Variants in FAM227A observed in about 807,000 individuals in gnomAD.
FAM227A encodes the protein family with sequence similarity 227 member A, also known as protein FAM227A.
A neutral mutation model predicts 74.7 loss-of-function variants in FAM227A; 80 were observed. That is an observed-to-expected ratio of 1.07 (90% CI 0.89 to 1.29). The LOEUF (loss-of-function observed/expected upper bound fraction) is 1.29. Ranked by LOEUF, FAM227A falls within the 50% of genes most tolerant of loss-of-function variation. The pLI is 0.00. For synonymous variants in FAM227A, 237 were observed against 241.8 expected (o/e 0.98, Z 0.19); for missense variants, 654 against 683.4 (o/e 0.96, Z 0.48).
In FAM227A at chr22:38,656,176, AG is replaced by A. The variant is rs2092389908; in HGVS notation, c.-152del. On this transcript the variant is annotated 5_prime_UTR_variant, in exon 1 of 17. An upstream open reading frame in the 5' UTR gains an earlier in-frame stop. Transcript: ENST00000535113. ...GGGCCGGTCCCGCCACGGGTCCCTC[AG>A]GGGACCCCGCAAAGTTCTGGGTCGG... 2 of 152,244 alleles carry A rather than the reference AG, an allele frequency of 1.3e-5. No homozygotes were observed. Among genetic ancestry groups the A allele is most frequent in the Non-Finnish European group, 2.9e-5 (2 of 68,110 alleles). The allele number at this position is 152,244 out of a possible 1,614,324, so 9.4% of individuals were successfully genotyped here.
intron 11 of FAM227A, among the ~76,000 whole-genome samples, chr22:38,609,075 G>A (rs2059629896): frequency 6.6e-6 from 1 of 152,180 alleles, no homozygotes; most frequent in South Asian, 2.1e-4. Flanking sequence ...TTACAGGCAT[G>A]AGCCACTGCA....
rs138823795 is a variant in FAM227A, at chr22:38,623,249, C to T, written c.881G>A (p.Ser294Asn). The change falls in exon 10 of 17, where the codon AGC becomes AAC. Residue 294 changes from serine to asparagine, a missense_variant. Physicochemically the swap from Ser to Asn is conservative, Grantham distance 46 (BLOSUM62 1). Coordinates refer to ENST00000535113, the MANE Select transcript of FAM227A (RefSeq NM_001013647.2). ...TGGGTCTAGTTCCGAGTAGTCCCAG[C>T]TGTCATAGCTCTGTGGGCTAGGATA... The part of the protein sequence containing the change: ...GTYPSPQSYD[S>N]WDYSELDPER... The T allele has an allele frequency of 6.4e-7, 1 of 1,551,432 alleles. No homozygotes were observed. Among genetic ancestry groups the T allele is most frequent in the Non-Finnish European group, 8.7e-7 (1 of 1,146,884 alleles).
Position 38,582,141 on chromosome 22 carries a change from T to TCA in FAM227A, c.*3982_*3983dup. The TCA allele has an allele frequency of 1.7e-6, 1 of 588,720 alleles. No individual in the cohort carries two copies. Among genetic ancestry groups the TCA allele is most frequent in the Non-Finnish European group, 3.0e-6 (1 of 331,882 alleles). 36.5% of individuals were successfully genotyped at this position (588,720 alleles called of 1,614,324 possible). ...AGGTGTGTATACACCCATGAGCCAT[T>TCA]CACCACAATCAAGATAGTAGACATA... On this transcript the variant is annotated 3_prime_UTR_variant, in exon 17 of 17. Transcript: ENST00000535113.
Position 38,583,062 on chromosome 22 carries a change from A to T in FAM227A, c.*3063T>A. 1 of 1,225,710 alleles carries T rather than the reference A, an allele frequency of 8.2e-7. No individual in the cohort carries two copies. The highest frequency in any genetic ancestry group is 1.1e-6 in the Non-Finnish European group (1 of 871,152). 75.9% of individuals were successfully genotyped at this position (1,225,710 alleles called of 1,614,324 possible). On this transcript the variant is annotated 3_prime_UTR_variant, in exon 17 of 17. Transcript: ENST00000535113. ...TAGAGAAACTGCAAATGAAGAGTTG[A>T]CAGTGGCTGGGGTAGTAAAGGGAAG... is the stretch of plus-strand genomic sequence containing the variant.
intron 1 of FAM227A, among the ~76,000 whole-genome samples, chr22:38,652,590 G>GAA (rs779788341): frequency 1.2e-4 from 7 of 59,162 alleles, no homozygotes; most frequent in Non-Finnish European, 7.0e-5. Context: ...TCCATCTCAA[G>GAA]AAAAAAAAAA....
At chr22:38,636,278 G>A (rs1336191166) in intron 6 of FAM227A, among the ~76,000 whole-genome samples, 173 bp downstream of exon 6, 1 of 152,174 alleles carries the variant, frequency 6.6e-6, no homozygotes, top group Non-Finnish European at 1.5e-5. Flanking sequence ...TGCTCTGGTA[G>A]AAGGAATCTA....
rs1490418308 is a variant in FAM227A at position 38,580,453 on chromosome 22, T to C, written c.*5672A>G. 1 of 152,214 alleles carries C rather than the reference T, an allele frequency of 6.6e-6. No individual in the cohort carries two copies. The highest frequency in any genetic ancestry group is 1.5e-5 in the Non-Finnish European group (1 of 68,032). The allele number at this position is 152,214 out of a possible 1,614,324, so 9.4% of individuals were successfully genotyped here. A position where few individuals can be genotyped will look rare whatever the true frequency, so the allele number is the denominator to read the frequency against. On this transcript the variant is annotated 3_prime_UTR_variant, in exon 17 of 17. Coordinates refer to ENST00000535113, the MANE Select transcript of FAM227A (RefSeq NM_001013647.2). The stretch of plus-strand genomic sequence containing the variant: ...CAGATCACATTCAAGTTTACTTATT[T>C]GTAAGACTATTTGATAGGTGGTCTT...
At chr22:38,644,616 A>G (rs1219944631) in intron 3 of FAM227A, among the ~76,000 whole-genome samples, 1 of 151,740 alleles carries the variant, frequency 6.6e-6, no homozygotes, top group Non-Finnish European at 1.5e-5. Flanking sequence ...ATCCTATTGT[A>G]AACTCTGAAT....
At chr22:38,594,153 A>T (rs980001878) in intron 15 of FAM227A, among the ~76,000 whole-genome samples, 6 of 152,072 alleles carry the variant, frequency 3.9e-5, no homozygotes, top group African/African-American at 1.5e-4. Context: ...AGCCTTGTTG[A>T]GACTGCCCTC....
In FAM227A at chr22:38,582,159, T is replaced by C; in HGVS notation, c.*3966A>G. The C allele has an allele frequency of 5.0e-6, 3 of 605,492 alleles. No homozygotes were observed. Among genetic ancestry groups the C allele is most frequent in the Admixed American group, 2.9e-5 (1 of 33,952 alleles). The allele number at this position is 605,492 out of a possible 1,614,324, so 37.5% of individuals were successfully genotyped here. A position where few individuals can be genotyped will look rare whatever the true frequency, so the allele number is the denominator to read the frequency against. ...GAGCCATTCACCACAATCAAGATAG[T>C]AGACATATCTGTCACCCCCAAAAGT... is the stretch of plus-strand genomic sequence containing the variant. On this transcript the variant is annotated 3_prime_UTR_variant, in exon 17 of 17. Coordinates refer to ENST00000535113, the MANE Select transcript of FAM227A (RefSeq NM_001013647.2).
chr22:38,626,891 A>ATAT (rs1555966995), intron 8 of FAM227A, among the ~76,000 whole-genome samples: 9 of 57,692 alleles, frequency 1.6e-4, no homozygotes, highest in African/African-American at 7.9e-4. Context: ...AAAAAAAAAA[A>ATAT]ATATATATAT....
intron 15 of FAM227A, among the ~76,000 whole-genome samples, chr22:38,596,672 A>G (rs534433456): frequency 4.5e-4 from 68 of 151,584 alleles, no homozygotes; most frequent in Middle Eastern, 3.5e-3. Context: ...TCAGTGTACT[A>G]TCCTGATGGA....
chr22:38,608,593 G>A (rs1443570995), intron 11 of FAM227A, among the ~76,000 whole-genome samples: 3 of 151,774 alleles, frequency 2.0e-5, no homozygotes, highest in African/African-American at 7.3e-5. Flanking sequence ...ACCACGCCCA[G>A]CTAATTTTTG....
chr22:38,646,262 T>C (rs908467222), intron 2 of FAM227A, among the ~76,000 whole-genome samples: 6 of 128,734 alleles, frequency 4.7e-5, no homozygotes, highest in Non-Finnish European at 8.3e-5. Context: ...TTTTTTTTTT[T>C]TTTTTTTTTT....
chr22:38,615,358 A>G (rs988648843), intron 11 of FAM227A, among the ~76,000 whole-genome samples: 1 of 152,216 alleles, frequency 6.6e-6, no homozygotes, highest in Non-Finnish European at 1.5e-5. Context: ...GACAAACTCT[A>G]AACAACACAT....
At chr22:38,653,968 G>C (rs535502452) in intron 1 of FAM227A, 2 of 152,210 alleles carry the variant, frequency 1.3e-5, no homozygotes, top group African/African-American at 4.8e-5. Flanking sequence ...TACTTCAAAG[G>C]GAACAACACT....
chr22:38,608,735 TCTGA>T (rs2091344695), intron 11 of FAM227A, among the ~76,000 whole-genome samples: 1 of 151,534 alleles, frequency 6.6e-6, no homozygotes, highest in Non-Finnish European at 1.5e-5. Context: ...CAGGATAGAT[TCTGA>T]CTTCTTCCAG....
rs928757265 is a variant in FAM227A at position 38,584,184 on chromosome 22, T to C, written c.*1941A>G. On this transcript the variant is annotated 3_prime_UTR_variant, in exon 17 of 17. Transcript: ENST00000535113. ...ATTGGTTTACACATCCTTCTCTTTT[T>C]TCCAGATTGTGAGCCCCATAAGGTC... The C allele has an allele frequency of 1.3e-5, 2 of 152,276 alleles. No homozygotes were observed. The highest frequency in any genetic ancestry group is 4.8e-5 in the African/African-American group (2 of 41,442). 9.4% of individuals were successfully genotyped at this position (152,276 alleles called of 1,614,324 possible).
At chr22:38,654,075 G>A (rs536296237) in intron 1 of FAM227A, among the ~76,000 whole-genome samples, 10 of 152,150 alleles carry the variant, frequency 6.6e-5, no homozygotes, top group Middle Eastern at 3.2e-3. Flanking sequence ...AGGGCCGGGC[G>A]CGGTGGCTCA....
Sources: gnomAD v4.1 joint callset for allele counts (sites outside exome capture counted in the v4.1 genomes callset) on GRCh38, gnomAD v4.1.1 for gene constraint, MANE v1.5 for transcripts, NCBI Gene and HGNC (gene_info 2026-07-23, HGNC 2026-07-21) for gene names.